Variants in TECPR1 observed in about 807,000 individuals in gnomAD.
TECPR1 encodes tectonin beta-propeller repeat containing 1.
TECPR1 carries 122 observed loss-of-function variants against 162.4 expected under a neutral mutation model. The observed-to-expected ratio is 0.75, with a 90% CI of 0.65 to 0.87. The LOEUF is 0.87. Among genes scored for constraint, TECPR1 ranks in the 40% least tolerant of loss-of-function variants. The probability of loss-of-function intolerance (pLI) is 0.00; values close to 1 mark genes in which losing one functional copy is unlikely to be tolerated. For synonymous variants in TECPR1, 642 were observed against 670.6 expected, an observed-to-expected ratio of 0.96 and a Z score of 0.66; for missense variants, 1,432 against 1,618.2, an observed-to-expected ratio of 0.88 and a Z score of 1.97.
intron 17 of TECPR1, among the ~76,000 whole-genome samples, chr7:98,227,130 G>A (rs1446721210): frequency 2.0e-5 from 3 of 151,470 alleles, no homozygotes; most frequent in Non-Finnish European, 4.4e-5. Context: ...GTGGTGGCTC[G>A]CACCTGTAAT....
chr7:98,220,663 A>G (rs1798118966), intron 23 of TECPR1, among the ~76,000 whole-genome samples: 2 of 151,542 alleles, frequency 1.3e-5, no homozygotes, highest in Non-Finnish European at 2.9e-5. Flanking sequence ...GGTTCACGCC[A>G]TTCTCCTGCC....
At chr7:98,226,732 G>A in intron 17 of TECPR1, 1 of 997,514 alleles carries the variant, frequency 1.0e-6, no homozygotes, top group African/African-American at 1.7e-5. Flanking sequence ...TCAGGAGTTG[G>A]AGACCAGCCT....
chr7:98,235,608 G>T (rs2116590619), intron 10 of TECPR1, among the ~76,000 whole-genome samples: 1 of 151,544 alleles, frequency 6.6e-6, no homozygotes, highest in East Asian at 1.9e-4. Flanking sequence ...ACAGAGGTGG[G>T]AGGGTCACTT....
chr7:98,220,154 C>G (rs1798107269), intron 23 of TECPR1, among the ~76,000 whole-genome samples: 2 of 151,634 alleles, frequency 1.3e-5, no homozygotes, highest in Non-Finnish European at 2.9e-5. Context: ...CCAGCCTGCC[C>G]AACATGGCGA....
intron 17 of TECPR1, among the ~76,000 whole-genome samples, 156 bp downstream of exon 17, chr7:98,227,858 A>G (rs1423026937): frequency 6.6e-6 from 1 of 152,020 alleles, no homozygotes; most frequent in African/African-American, 2.4e-5. Context: ...CAAGGAAAAA[A>G]ATCTCAGTGA....
rs1797990617 is a variant in TECPR1 at position 98,215,738 on chromosome 7, T to G, written c.*1652A>C. The G allele has an allele frequency of 6.6e-6, 1 of 152,144 alleles. No individual in the cohort carries two copies. The highest frequency in any genetic ancestry group is 2.4e-5 in the African/African-American group (1 of 41,390). The allele number at this position is 152,144 out of a possible 1,614,324, so 9.4% of individuals were successfully genotyped here. On this transcript the variant is annotated 3_prime_UTR_variant, in exon 26 of 26. Coordinates refer to ENST00000447648, the MANE Select transcript of TECPR1 (RefSeq NM_015395.3). ...GTAATGCCCAGAGAAAACCTGATAGTGAAATGTAAACAGACAGGACAGGGT... is the reference window on the plus strand; with the variant it reads ...GTAATGCCCAGAGAAAACCTGATAGGGAAATGTAAACAGACAGGACAGGGT...
chr7:98,217,727 C>A lies in TECPR1; in HGVS notation c.3349G>T (p.Glu1117Ter). The A allele has an allele frequency of 6.5e-7, 1 of 1,549,702 alleles. No individual in the cohort carries two copies. Among genetic ancestry groups the A allele is most frequent in the East Asian group, 2.4e-5 (1 of 40,878 alleles). The change falls in exon 25 of 26, where the codon GAG becomes TAG. Residue 1117 changes from glutamate to a stop codon, truncating the protein, a stop_gained. Transcript: ENST00000447648. LOFTEE classifies it high-confidence loss of function. The part of the protein sequence containing the change: ...VCHRTGVQPH[E>*]PKGHGWDYGI... ...TAGTCCCAGCCGTGGCCCTTGGGCT[C>A]GTGAGGCTGCACGCCGGTGCGATGA...
At chr7:98,223,249 G>A (rs1798187622) in intron 20 of TECPR1, 79 bp from the exon 21 acceptor site, 4 of 1,424,828 alleles carry the variant, frequency 2.8e-6, no homozygotes, top group Non-Finnish European at 2.8e-6. Flanking sequence ...CTGGAGCCAG[G>A]AGGAGGAAAG....
Position 98,223,010 on chromosome 7 carries a change from C to G in TECPR1, c.2908G>C (p.Val970Leu). ...CTCACCGCAGGGTTGAGCTCCGACA[C>G]GCCCAGGCGGCACAGCACATCCCCC... Reference protein sequence around the residue: ...DKGDVLCRLGVSELNPAGSSW... With the variant: ...DKGDVLCRLGLSELNPAGSSW... Residue 970 changes from valine to leucine, a missense_variant, in exon 21 of 26, where the codon GTG becomes CTG. Transcript: ENST00000447648. The G allele has an allele frequency of 6.2e-7, 1 of 1,611,914 alleles. No homozygotes were observed. Among genetic ancestry groups the G allele is most frequent in the Non-Finnish European group, 8.5e-7 (1 of 1,179,588 alleles).
At position 98,223,152 on chromosome 7, in the gene TECPR1, G is replaced by A. The variant is rs368662573; in HGVS notation, c.2766C>T (p.Thr922=). 3 of 1,602,360 alleles carry A rather than the reference G, an allele frequency of 1.9e-6. No individual in the cohort carries two copies. Among genetic ancestry groups the A allele is most frequent in the Non-Finnish European group, 2.6e-6 (3 of 1,175,164 alleles). ...GGGGCACCTCCAGCCAGGGCCCACT[G>A]GTCACCAGCTTGCATTTTCTGTACA... The part of the protein sequence containing the change: ...RCWARKCKLV[T]SGPWLEVPPI... The change falls in exon 21 of 26, where the codon ACC becomes ACT. Residue 922 remains threonine (T), a synonymous_variant. Coordinates refer to ENST00000447648, the MANE Select transcript of TECPR1 (RefSeq NM_015395.3).
intron 16 of TECPR1, 33 bp from the exon 17 acceptor site, chr7:98,228,149 C>T: frequency 6.6e-7 from 1 of 1,518,400 alleles, no homozygotes; most frequent in South Asian, 1.2e-5. Context: ...GGACCGAGGC[C>T]ACATACGCTC....
chr7:98,230,821 G>A, intron 15 of TECPR1, 140 bp downstream of exon 15: 3 of 1,162,730 alleles, frequency 2.6e-6, no homozygotes, highest in Non-Finnish European at 3.5e-6. Flanking sequence ...TGGGGGCCTG[G>A]GAACCAGTGG....
chr7:98,218,129 G>A (rs574038658), intron 23 of TECPR1, 87 bp from the exon 24 acceptor site: 70 of 1,095,798 alleles, frequency 6.4e-5, no homozygotes, highest in Non-Finnish European at 9.0e-5. Flanking sequence ...GCCAGGCCCC[G>A]CTCTAACCAC....
intron 13 of TECPR1, 161 bp downstream of exon 13, chr7:98,231,643 T>G: frequency 5.1e-5 from 21 of 407,956 alleles, no homozygotes; most frequent in East Asian, 1.5e-4. Flanking sequence ...GGCACCCCCA[T>G]TTCTGTACCC....
Position 98,233,789 on chromosome 7 carries a change from T to A in TECPR1, c.1304A>T (p.Asp435Val), listed in dbSNP as rs1286733287. 1.2e-6 allele frequency: 2 copies of A among 1,611,286 alleles called. No homozygotes were observed. The highest frequency in any genetic ancestry group is 2.2e-5 in the East Asian group (1 of 44,818). ...GTTCCCTGTGGCATTCTTGGAATCG[T>A]CTAGAGGTTCTGCAGGGAGAATCTG... ...PGQILPAEPL[D>V]DSKNATGNSA... The change falls in exon 11 of 26, where the codon GAC (aspartate) becomes GTC (valine). Residue 435 changes from aspartate (D) to valine (V), a missense_variant. Physicochemically the swap from Asp to Val is radical, Grantham distance 152 (BLOSUM62 -3). Coordinates refer to ENST00000447648, the MANE Select transcript of TECPR1 (RefSeq NM_015395.3).
chr7:98,236,922 C>T lies in TECPR1; in HGVS notation c.1036-1G>A. On this transcript the variant is annotated splice_acceptor_variant, in intron 9 of 25. Coordinates refer to ENST00000447648, the MANE Select transcript of TECPR1 (RefSeq NM_015395.3). LOFTEE classifies it high-confidence loss of function. ...GGTCCTCACAGCCAATGCCCCACAC[C>T]TGGAAGAGAGAGGCTGTGTTCCGAG... The T allele has an allele frequency of 6.5e-7, 1 of 1,550,060 alleles. No individual in the cohort carries two copies. Among genetic ancestry groups the T allele is most frequent in the Non-Finnish European group, 8.7e-7 (1 of 1,146,554 alleles).
intron 3 of TECPR1, among the ~76,000 whole-genome samples, chr7:98,245,348 G>A (rs953107845): frequency 3.3e-5 from 5 of 152,252 alleles, no homozygotes; most frequent in South Asian, 2.1e-4. Flanking sequence ...GGCACACCTT[G>A]TCCTAGGCTC....
Position 98,217,429 on chromosome 7 carries a change from C to A in TECPR1, c.3459G>T (p.Pro1153=), listed in dbSNP as rs749785945. 6.2e-7 allele frequency: 1 copy of A among 1,607,262 alleles called. No homozygotes were observed. The highest frequency in any genetic ancestry group is 1.3e-5 in the African/African-American group (1 of 74,992). The change falls in exon 26 of 26, where the codon CCG becomes CCT. Residue 1153 remains proline, a synonymous_variant. Coordinates refer to ENST00000447648, the MANE Select transcript of TECPR1 (RefSeq NM_015395.3). Reference sequence around the variant, plus strand: ...GGCCATGGGCCTCTGGTGGGGCACTCGGCTCCTGCTCCTGGGACGAGCTCC... The same window carrying A: ...GGCCATGGGCCTCTGGTGGGGCACTAGGCTCCTGCTCCTGGGACGAGCTCC... ...APRSSSQEQE[P]SAPPEAHGPV...
intron 8 of TECPR1, among the ~76,000 whole-genome samples, 184 bp downstream of exon 8, chr7:98,240,667 G>A (rs1460987600): frequency 6.6e-6 from 1 of 151,896 alleles, no homozygotes; most frequent in Non-Finnish European, 1.5e-5. Context: ...TGCCCACCTA[G>A]GCCTCCCGAT....
Sources: allele counts gnomAD v4.1 joint callset (sites outside exome capture counted in the v4.1 genomes callset), GRCh38; gene constraint gnomAD v4.1.1; transcripts MANE v1.5; gene names NCBI Gene and HGNC (gene_info 2026-07-23, HGNC 2026-07-21).